The following LRRK2 variants were observed in gnomAD, a reference collection of about 807,000 sequenced individuals.
LRRK2 encodes leucine-rich repeat serine/threonine-protein kinase 2.
A neutral mutation model predicts 302.6 loss-of-function variants in LRRK2; 203 were observed. That is an observed-to-expected ratio of 0.67 (90% confidence interval 0.60 to 0.75). The LOEUF (loss-of-function observed/expected upper bound fraction) is 0.75. Among genes scored for constraint, LRRK2 ranks in the 30% least tolerant of loss-of-function variants. The pLI, the probability that LRRK2 is intolerant of heterozygous loss-of-function variation, is 0.00. For missense variants in LRRK2, 2,830 were observed against 2,951.0 expected, an observed-to-expected ratio of 0.96 and a Z score of 0.95; for synonymous variants, 1,066 against 1,031.9, an observed-to-expected ratio of 1.03 and a Z score of -0.63.
intron 25 of LRRK2, 130 bp downstream of exon 25, chr12:40,299,387 T>A (rs1014944396): frequency 9.6e-7 from 1 of 1,038,980 alleles, no homozygotes; most frequent in African/African-American, 1.6e-5. Flanking sequence ...ATTTAAAAAA[T>A]AAAATTAGCA....
At position 40,225,281 on chromosome 12, in the gene LRRK2, C is replaced by G; in HGVS notation, c.150C>G (p.Arg50=). The G allele has an allele frequency of 1.9e-6, 3 of 1,613,976 alleles. No individual in the cohort carries two copies. Among genetic ancestry groups the G allele is most frequent in the Non-Finnish European group, 2.5e-6 (3 of 1,179,930 alleles). The change falls in exon 1 of 51, where the codon CGC becomes CGG. Residue 50 remains arginine (R), a splice_region_variant and synonymous_variant. Coordinates refer to ENST00000298910, the MANE Select transcript of LRRK2 (RefSeq NM_198578.4). ...EDLLVFTYSE[R]ASKLFQGKNI... Reference sequence around the variant, plus strand: ...TGCTGGTGTTCACGTACTCCGAGCGCGGTAATCACTTGAAAATAAACTGTG... The same window carrying G: ...TGCTGGTGTTCACGTACTCCGAGCGGGGTAATCACTTGAAAATAAACTGTG...
chr12:40,328,095 G>T (rs1945604801), intron 38 of LRRK2, among the ~76,000 whole-genome samples: 1 of 152,140 alleles, frequency 6.6e-6, no homozygotes, highest in South Asian at 2.1e-4. Flanking sequence ...TACATTAAAG[G>T]GATAGATGAA....
Position 40,313,979 on chromosome 12 carries a change from A to G in LRRK2, c.4544A>G (p.Asp1515Gly). Residue 1515 changes from aspartate to glycine, a missense_variant, in exon 32 of 51, where the codon GAT becomes GGT. Physicochemically the swap from Asp to Gly is moderately conservative, Grantham distance 94 (BLOSUM62 -1). This residue lies in a region of LRRK2 where 2,121 missense variants were observed against 2,148.0 expected (regional missense o/e 0.99). Coordinates refer to ENST00000298910, the MANE Select transcript of LRRK2 (RefSeq NM_198578.4). ...TCATTTGTAATTTCATAGATCCGAG[A>G]TCAGCTTGTTGTTGGACAGCTGATT... Reference protein sequence around the residue: ...INESLNFKIRDQLVVGQLIPD... With the variant: ...INESLNFKIRGQLVVGQLIPD... 6.2e-7 allele frequency: 1 copy of G among 1,611,110 alleles called. No homozygotes were observed.
Position 40,274,907 on chromosome 12 carries a change from G to T in LRRK2, c.1855G>T (p.Val619Leu), listed in dbSNP as rs55987538. The T allele has an allele frequency of 3.3e-5, 53 of 1,612,974 alleles. No homozygotes were observed. In the South Asian group the frequency reaches 5.6e-4, roughly 17 times the overall value. ...AGGATACTTGATTACAAAGAAGAAT[G>T]TGTTCATAGGAACTGGACATCTGCT... The part of the protein sequence containing the change: ...LIGYLITKKN[V>L]FIGTGHLLAK... The change falls in exon 16 of 51, where the codon GTG becomes TTG. Residue 619 changes from valine (V) to leucine (L), a missense_variant. Val to Leu is a conservative substitution (Grantham distance 32). Coordinates refer to ENST00000298910, the MANE Select transcript of LRRK2 (RefSeq NM_198578.4).
chr12:40,259,369 C>G, intron 12 of LRRK2, 111 bp from the exon 13 acceptor site: 2 of 1,352,576 alleles, frequency 1.5e-6, no homozygotes, highest in Non-Finnish European at 2.1e-6. Context: ...TTCATATAGT[C>G]TTTCCTGATA....
intron 11 of LRRK2, among the ~76,000 whole-genome samples, chr12:40,253,957 T>TA (rs1942390804): frequency 6.6e-6 from 1 of 152,304 alleles, no homozygotes; most frequent in Middle Eastern, 3.4e-3. Context: ...TATACTTTTT[T>TA]AAAAAATCGT....
At position 40,263,749 on chromosome 12, in the gene LRRK2, T is replaced by C. The variant is rs1256117241; in HGVS notation, c.1544-40T>C. The stretch of plus-strand genomic sequence containing the variant: ...ACAGTCTGTTCAACTCAAATGTTTA[T>C]AAGAAAATTCTTTCTTTATTTATTT... On this transcript the variant is annotated intron_variant, in intron 13 of 50. Transcript: ENST00000298910. 8 of 1,414,578 alleles carry C rather than the reference T, an allele frequency of 5.7e-6. No homozygotes were observed. The African/African-American group carries it at 7.1e-5, about 13-fold the overall frequency. The allele number at this position is 1,414,578 out of a possible 1,614,324, so 87.6% of individuals were successfully genotyped here.
In LRRK2 at chr12:40,308,624, G is replaced by A. The variant is rs756381499; in HGVS notation, c.4117G>A (p.Val1373Met). The A allele has an allele frequency of 5.6e-6, 9 of 1,613,932 alleles. No individual in the cohort carries two copies. Among genetic ancestry groups the A allele is most frequent in the Non-Finnish European group, 5.9e-6 (7 of 1,179,982 alleles). The change falls in exon 29 of 51, where the codon GTG becomes ATG. Residue 1373 changes from valine (V) to methionine (M), a missense_variant. Coordinates refer to ENST00000298910, the MANE Select transcript of LRRK2 (RefSeq NM_198578.4). ...GMQSATVGID[V>M]KDWPIQIRDK... ...GCAAAGTGCCACAGTTGGCATAGAT[G>A]TGAAAGACTGGCCTATCCAAATAAG...
At chr12:40,315,863 A>T (rs1228816443) in intron 33 of LRRK2, among the ~76,000 whole-genome samples, 3 of 152,030 alleles carry the variant, frequency 2.0e-5, no homozygotes, top group Non-Finnish European at 4.4e-5. Context: ...ATAATAATCC[A>T]TCTCTGTAGC....
chr12:40,272,014 A>C (rs1341375884), intron 14 of LRRK2, among the ~76,000 whole-genome samples: 1 of 152,186 alleles, frequency 6.6e-6, no homozygotes, highest in East Asian at 1.9e-4. Context: ...TTAGCATAAA[A>C]ATAAGCCTAT....
At chr12:40,277,224 C>G (rs571124384) in intron 16 of LRRK2, among the ~76,000 whole-genome samples, 1 of 152,186 alleles carries the variant, frequency 6.6e-6, no homozygotes, top group South Asian at 2.1e-4. Context: ...AGTCAAAAGC[C>G]CAATCTTTCA....
At chr12:40,284,554 G>A (rs1489579896) in intron 19 of LRRK2, among the ~76,000 whole-genome samples, 1 of 151,802 alleles carries the variant, frequency 6.6e-6, no homozygotes, top group Non-Finnish European at 1.5e-5. Context: ...GTATGTAAAA[G>A]CATACACACA....
chr12:40,227,392 A>T (rs1252548407), intron 2 of LRRK2, among the ~76,000 whole-genome samples: 2 of 152,190 alleles, frequency 1.3e-5, no homozygotes, highest in East Asian at 1.9e-4. Context: ...ACTATTAAAT[A>T]TTAACTTAAT....
rs749147212 is a variant in LRRK2, at chr12:40,294,926, G to T, written c.2878+12G>T. On this transcript the variant is annotated intron_variant, in intron 22 of 50. Transcript: ENST00000298910. ...AGATGATTCACTCAGTAAGTATTTG[G>T]ATGTAATCATAAGTAAATAGATATT... The T allele has an allele frequency of 4.1e-6, 6 of 1,446,318 alleles. No individual in the cohort carries two copies. Among genetic ancestry groups the T allele is most frequent in the Non-Finnish European group, 5.8e-6 (6 of 1,033,700 alleles). The allele number at this position is 1,446,318 out of a possible 1,614,324, so 89.6% of individuals were successfully genotyped here.
In LRRK2 at chr12:40,225,628, G is replaced by T. The variant is rs75054132; in HGVS notation, c.225G>T (p.Ala75=). Residue 75 remains alanine, a synonymous_variant, in exon 2 of 51, where the codon GCG becomes GCT. Transcript: ENST00000298910. ...TCTTGGACTCCTATATGAGAGTCGC[G>T]AGTGTGCAGCAGGTAAAGGCATTGT... ...LIVLDSYMRV[A]SVQQVGWSLL... 10 of 1,613,458 alleles carry T rather than the reference G, an allele frequency of 6.2e-6. No homozygotes were observed. The South Asian group carries it at 1.1e-4, about 18-fold the overall frequency.
chr12:40,358,398 A>G (rs537546067), intron 46 of LRRK2, among the ~76,000 whole-genome samples: 3 of 152,170 alleles, frequency 2.0e-5, no homozygotes, highest in Non-Finnish European at 4.4e-5. Context: ...CTTGAGTTGA[A>G]TTTTGTAAAT....
intron 40 of LRRK2, among the ~76,000 whole-genome samples, chr12:40,337,888 T>C (rs549840735): frequency 1.3e-5 from 2 of 152,296 alleles, no homozygotes; most frequent in East Asian, 3.9e-4. Flanking sequence ...CTGTCCATCA[T>C]TGTATTTGTT....
At chr12:40,269,570 T>C (rs963253527) in intron 14 of LRRK2, among the ~76,000 whole-genome samples, 2 of 152,170 alleles carry the variant, frequency 1.3e-5, no homozygotes, top group Admixed American at 1.3e-4. Context: ...TTTTGCACCC[T>C]ATAAAATTTT....
At chr12:40,322,250 C>T (rs928854932) in intron 36 of LRRK2, 69 bp downstream of exon 36, 16 of 1,444,386 alleles carry the variant, frequency 1.1e-5, no homozygotes, top group Non-Finnish European at 1.5e-5. Context: ...AAAAAAAAAA[C>T]TTTACCTTAA....
Sources: gnomAD v4.1 joint callset for allele counts (sites outside exome capture counted in the v4.1 genomes callset) on GRCh38, gnomAD v4.1.1 for gene constraint, gnomAD v4.1.1 regional missense constraint, MANE v1.5 for transcripts, NCBI Gene and HGNC (gene_info 2026-07-23, HGNC 2026-07-21) for gene names.